The following GBX1 variants were observed in gnomAD, a reference collection of about 807,000 sequenced individuals.
The protein encoded by GBX1 is gastrulation brain homeobox 1, also known as homeobox protein GBX-1.
Under a neutral mutation model 22.9 loss-of-function variants are expected in GBX1, and 9 were observed. That is an observed-to-expected ratio of 0.39 (90% CI 0.24 to 0.69). GBX1 has a LOEUF of 0.69. Ranked by LOEUF, GBX1 falls within the 30% of genes least tolerant of loss-of-function variation. The pLI is 0.43. For missense variants in GBX1, 494 were observed against 509.2 expected (o/e 0.97, Z 0.29); for synonymous variants, 203 against 227.3 (o/e 0.89, Z 0.96).
At chr7:151,149,800 A>G (rs1801057422) in intron 1 of GBX1, 1 of 402,980 alleles carries the variant, frequency 2.5e-6, no homozygotes, top group Admixed American at 2.7e-5. Flanking sequence ...CCTCATTTCC[A>G]TGGCTCCCAG....
At chr7:151,162,004 T>G (rs1179583332) in intron 1 of GBX1, among the ~76,000 whole-genome samples, 1 of 152,212 alleles carries the variant, frequency 6.6e-6, no homozygotes, top group Non-Finnish European at 1.5e-5. Context: ...AGACAGACAA[T>G]AAATGTTCCC....
intron 1 of GBX1, among the ~76,000 whole-genome samples, chr7:151,164,853 TC>T (rs1425593961): frequency 6.8e-6 from 1 of 147,156 alleles, no homozygotes; most frequent in East Asian, 2.0e-4. Flanking sequence ...AATTCCAGTT[TC>T]CCCTCACTCT....
chr7:151,159,075 AAGT>A lies in GBX1; in HGVS notation c.538+7933_538+7935del, dbSNP rs578173692. ...TCTTTGTTAACATTTAATGTAAAAA[AAGT>A]GTCTGAATTTTTTTTTTTTTTTTTG... is the stretch of plus-strand genomic sequence containing the variant. On this transcript the variant is annotated intron_variant, in intron 1 of 1. Coordinates refer to ENST00000297537, the MANE Select transcript of GBX1 (RefSeq NM_001098834.3). 2.0e-3 allele frequency among the ~76,000 whole-genome samples: 290 copies of A among 146,222 alleles called. 1 individual carries two copies. Among genetic ancestry groups the A allele is most frequent in the African/African-American group, 7.3e-3 (274 of 37,752 alleles).
chr7:151,166,724 C>T (rs951735528), intron 1 of GBX1, among the ~76,000 whole-genome samples: 9 of 152,138 alleles, frequency 5.9e-5, no homozygotes, highest in Non-Finnish European at 1.0e-4. Flanking sequence ...GAGACAGGGC[C>T]AAGTCTTGAT....
In GBX1 at chr7:151,167,514, C is replaced by A. The variant is rs942482235; in HGVS notation, c.35G>T (p.Gly12Val). Reference protein sequence around the residue: ...QRAGGGSAPGGNGGGGGGGPG... With the variant: ...QRAGGGSAPGVNGGGGGGGPG... ...GCCCCCGCCGCCGCCCCCGCCGTTGCCCCCAGGGGCGCTACCGCCTCCGGC... is the reference window on the plus strand; with the variant it reads ...GCCCCCGCCGCCGCCCCCGCCGTTGACCCCAGGGGCGCTACCGCCTCCGGC... Residue 12 changes from glycine (G) to valine (V), a missense_variant, in exon 1 of 2, where the codon GGC becomes GTC. By Grantham distance (109) the Gly-to-Val change is moderately radical (BLOSUM62 -3). Transcript: ENST00000297537. This position sits in a 1 kb window ranked among gnomAD's most constrained non-coding sequence, Gnocchi z 5.9. The A allele has an allele frequency of 2.7e-6, 4 of 1,473,026 alleles. No individual in the cohort carries two copies. The African/African-American group carries it at 6.0e-5, about 22-fold the overall frequency. The allele number at this position is 1,473,026 out of a possible 1,614,324, so 91.2% of individuals were successfully genotyped here. A position where few individuals can be genotyped will look rare whatever the true frequency, so the allele number is the denominator to read the frequency against.
At position 151,148,998 on chromosome 7, in the gene GBX1, GC is replaced by G; in HGVS notation, c.682del (p.Ala228LeufsTer9). On this transcript the variant is annotated frameshift_variant, in exon 2 of 2. Coordinates refer to ENST00000297537, the MANE Select transcript of GBX1 (RefSeq NM_001098834.3). LOFTEE classifies it high-confidence loss of function. The surrounding 1 kb of genome is among the most constrained non-coding windows in gnomAD (Gnocchi z 5.1). ...FLDSSAGGPG[A>X]LLGPKPKLKG... ...TAGCTTCGGTTTAGGTCCCAGAAGA[GC>G]CCCTGGGCCCCCTGCAGAACTGTCC... 6.2e-7 allele frequency: 1 copy of G among 1,613,770 alleles called. No individual in the cohort carries two copies. The highest frequency in any genetic ancestry group is 8.5e-7 in the Non-Finnish European group (1 of 1,179,970).
Position 151,148,626 on chromosome 7 carries a change from C to T in GBX1, c.1055G>A (p.Ser352Asn), listed in dbSNP as rs1801040862. The change falls in exon 2 of 2, where the codon AGC becomes AAC. Residue 352 changes from serine to asparagine, a missense_variant. Around this residue, in one of 3 missense-constraint regions of GBX1, gnomAD observed 124 missense variants for 152.0 expected, o/e 0.82. Coordinates refer to ENST00000297537, the MANE Select transcript of GBX1 (RefSeq NM_001098834.3). The surrounding 1 kb of genome is among the most constrained non-coding windows in gnomAD (Gnocchi z 5.1). ...PVHVNRFAVRSQHQQMEQGAR... is the reference protein window; with the variant it reads ...PVHVNRFAVRNQHQQMEQGAR... ...CCCCTGCTCCATTTGTTGGTGCTGG[C>T]TCCGCACAGCAAACCTGTTGACATG... The T allele has an allele frequency of 6.2e-7, 1 of 1,614,018 alleles. No homozygotes were observed. The highest frequency in any genetic ancestry group is 8.5e-7 in the Non-Finnish European group (1 of 1,179,982).
rs750708899 is a variant in GBX1, at chr7:151,167,162, GGCGGCGGCGGCA to G, written c.375_386del (p.Ala127_Ala130del). The G allele has an allele frequency of 3.6e-5, 57 of 1,591,350 alleles. No individual in the cohort carries two copies. The East Asian group carries it at 6.9e-4, about 19-fold the overall frequency. On this transcript the variant is annotated inframe_deletion, in exon 1 of 2. Coordinates refer to ENST00000297537, the MANE Select transcript of GBX1 (RefSeq NM_001098834.3). This position sits in a 1 kb window ranked among gnomAD's most constrained non-coding sequence, Gnocchi z 5.9. ...CGGGGTTGTTTCGGGCGGCAGTGGC[GGCGGCGGCGGCA>G]GCGGCGGCGGCGAGCTCCTGGGGCC...
At chr7:151,150,256 T>C (rs1269424354) in intron 1 of GBX1, among the ~76,000 whole-genome samples, 1 of 152,252 alleles carries the variant, frequency 6.6e-6, no homozygotes, top group African/African-American at 2.4e-5. Flanking sequence ...ACACATGTTT[T>C]CAGTGAGTTT....
chr7:151,157,114 A>G (rs1415859528), intron 1 of GBX1, among the ~76,000 whole-genome samples: 1 of 151,806 alleles, frequency 6.6e-6, no homozygotes. Flanking sequence ...TGGCCAACAT[A>G]GTGAAACCCT....
At position 151,162,385 on chromosome 7, in the gene GBX1, C is replaced by T. The variant is rs1033661076; in HGVS notation, c.538+4626G>A. On this transcript the variant is annotated intron_variant, in intron 1 of 1. Transcript: ENST00000297537. ...TGGTCATCCAAATGTTCCCTAGCTA[C>T]ATTCAGGTGCTTAGCTTACGGTAAT... Among the ~76,000 whole-genome samples the T allele has an allele frequency of 5.3e-5, 8 of 152,326 alleles. No individual in the cohort carries two copies. The East Asian group carries it at 1.5e-3, about 29-fold the overall frequency.
intron 1 of GBX1, among the ~76,000 whole-genome samples, chr7:151,155,202 A>G (rs917546787): frequency 2.0e-5 from 3 of 152,216 alleles, no homozygotes; most frequent in African/African-American, 4.8e-5. Flanking sequence ...TGGTCCGCCC[A>G]TCTTAGGACA....
intron 1 of GBX1, among the ~76,000 whole-genome samples, chr7:151,155,164 C>T (rs925960118): frequency 6.6e-6 from 1 of 152,226 alleles, no homozygotes; most frequent in Non-Finnish European, 1.5e-5. Context: ...TTGCCCCAAC[C>T]ACTCTTAGGA....
At position 151,167,174 on chromosome 7, in the gene GBX1, AGCGGCGG is replaced by A; in HGVS notation, c.368_374del (p.Ala123ValfsTer112). The A allele has an allele frequency of 6.3e-7, 1 of 1,579,492 alleles. No homozygotes were observed. Among genetic ancestry groups the A allele is most frequent in the Non-Finnish European group, 8.6e-7 (1 of 1,165,452 alleles). Reference sequence around the variant, plus strand: ...GGGCGGCAGTGGCGGCGGCGGCGGCAGCGGCGGCGGCGAGCTCCTGGGGCCCGTAGAA... The same window carrying A: ...GGGCGGCAGTGGCGGCGGCGGCGGCACGGCGAGCTCCTGGGGCCCGTAGAA... On this transcript the variant is annotated frameshift_variant, in exon 1 of 2. Coordinates refer to ENST00000297537, the MANE Select transcript of GBX1 (RefSeq NM_001098834.3). LOFTEE classifies it high-confidence loss of function. This position sits in a 1 kb window ranked among gnomAD's most constrained non-coding sequence, Gnocchi z 5.9.
rs1204049459 is a variant in GBX1 at position 151,149,075 on chromosome 7, G to A, written c.606C>T (p.Ser202=). The change falls in exon 2 of 2, where the codon AGC becomes AGT. Residue 202 remains serine (S), a synonymous_variant. Transcript: ENST00000297537. ...CGCCTGAGCCCTCTTCCTCCTGTTCGCTGCCTGCTGGGTCTCCTGCTGATG... is the reference window on the plus strand; with the variant it reads ...CGCCTGAGCCCTCTTCCTCCTGTTCACTGCCTGCTGGGTCTCCTGCTGATG... ...LEASAGDPAG[S]EQEEEGSGGD... 11 of 1,613,038 alleles carry A rather than the reference G, an allele frequency of 6.8e-6. No homozygotes were observed. Among genetic ancestry groups the A allele is most frequent in the Middle Eastern group, 1.6e-4 (1 of 6,082 alleles).
chr7:151,166,477 C>G (rs1447734425), intron 1 of GBX1, among the ~76,000 whole-genome samples: 1 of 117,028 alleles, frequency 8.5e-6, no homozygotes, highest in South Asian at 2.7e-4. Flanking sequence ...AGACGCAACC[C>G]CCCCCCCCCA....
intron 1 of GBX1, among the ~76,000 whole-genome samples, chr7:151,152,571 T>C (rs1801092177): frequency 6.6e-6 from 1 of 152,186 alleles, no homozygotes; most frequent in Non-Finnish European, 1.5e-5. Context: ...TGTTAAACAG[T>C]GCTAAAAAGG....
chr7:151,148,713 T>C lies in GBX1; in HGVS notation c.968A>G (p.Asn323Ser). The C allele has an allele frequency of 6.2e-7, 1 of 1,614,156 alleles. No homozygotes were observed. The highest frequency in any genetic ancestry group is 8.5e-7 in the Non-Finnish European group (1 of 1,180,020). The change falls in exon 2 of 2, where the codon AAT becomes AGT. Residue 323 changes from asparagine to serine, a missense_variant. Asn to Ser is a conservative substitution (Grantham distance 46). Around this residue, in one of 3 missense-constraint regions of GBX1, gnomAD observed 124 missense variants for 152.0 expected, o/e 0.82. Coordinates refer to ENST00000297537, the MANE Select transcript of GBX1 (RefSeq NM_001098834.3). The surrounding 1 kb of genome is among the most constrained non-coding windows in gnomAD (Gnocchi z 5.1). ...RAKWKRIKAGNVSSRSGEPVR... is the reference protein window; with the variant it reads ...RAKWKRIKAGSVSSRSGEPVR... ...GGGCTCCCCAGAACGGCTGCTCACATTGCCAGCTTTGATGCGCTTCCACTT... is the reference window on the plus strand; with the variant it reads ...GGGCTCCCCAGAACGGCTGCTCACACTGCCAGCTTTGATGCGCTTCCACTT...
At chr7:151,156,297 G>A (rs1454597623) in intron 1 of GBX1, among the ~76,000 whole-genome samples, 3 of 142,332 alleles carry the variant, frequency 2.1e-5, no homozygotes, top group Non-Finnish European at 4.5e-5. Flanking sequence ...TGAGGTGGGA[G>A]AGTCACTTGA....
Sources: gnomAD v4.1 joint callset for allele counts (sites outside exome capture counted in the v4.1 genomes callset) on GRCh38, gnomAD v4.1.1 for gene constraint, gnomAD v4.1.1 regional missense constraint, Gnocchi (gnomAD v3.1) non-coding constraint, MANE v1.5 for transcripts, NCBI Gene and HGNC (gene_info 2026-07-23, HGNC 2026-07-21) for gene names.